ADAMTS2: variants seen among roughly 807,000 people sequenced by gnomAD.
ADAMTS2 encodes A disintegrin and metalloproteinase with thrombospondin motifs 2.
ADAMTS2 carries 50 observed loss-of-function variants against 123.0 expected under a neutral mutation model. That is an observed-to-expected ratio of 0.41 (90% CI 0.32 to 0.51). The LOEUF (loss-of-function observed/expected upper bound fraction) is 0.51, where lower values mean the gene tolerates loss of function less well. Ranked by LOEUF, ADAMTS2 falls within the 20% of genes least tolerant of loss-of-function variation. The probability of loss-of-function intolerance (pLI) is 0.35; values close to 1 mark genes in which losing one functional copy is unlikely to be tolerated. For synonymous variants in ADAMTS2, 678 were observed against 695.4 expected, an observed-to-expected ratio of 0.98 and a Z score of 0.39; for missense variants, 1,494 against 1,705.2, an observed-to-expected ratio of 0.88 and a Z score of 2.18.
intron 2 of ADAMTS2, among the ~76,000 whole-genome samples, chr5:179,274,501 G>GC (rs1766638476): frequency 6.6e-6 from 1 of 152,196 alleles, no homozygotes; most frequent in African/African-American, 2.4e-5. Flanking sequence ...CTGGTGGGCA[G>GC]CCCCCGGCAC....
In ADAMTS2 at chr5:179,182,780, G is replaced by A. The variant is rs919936131; in HGVS notation, c.892-1625C>T. 2.4e-4 allele frequency among the ~76,000 whole-genome samples: 36 copies of A among 152,160 alleles called. 1 individual carries two copies. The highest frequency in any genetic ancestry group is 2.2e-3 in the Admixed American group (33 of 15,284). ...GACAACTCATCAGACCCACGGGAGCGTGGCTGGTCACCGTGGCTCCGGGCT... is the reference window on the plus strand; with the variant it reads ...GACAACTCATCAGACCCACGGGAGCATGGCTGGTCACCGTGGCTCCGGGCT... On this transcript the variant is annotated intron_variant, in intron 4 of 21. Transcript: ENST00000251582.
intron 2 of ADAMTS2, among the ~76,000 whole-genome samples, chr5:179,283,202 A>G (rs568296149): frequency 6.6e-6 from 1 of 152,298 alleles, no homozygotes; most frequent in Admixed American, 6.5e-5. Context: ...GTTACAAATC[A>G]GAAGACATTT....
chr5:179,295,241 C>A (rs1756296571), intron 2 of ADAMTS2, among the ~76,000 whole-genome samples: 1 of 152,210 alleles, frequency 6.6e-6, no homozygotes. Context: ...GCTGGCGGGT[C>A]TCTGTTGGGC....
In ADAMTS2 at chr5:179,139,911, G is replaced by A; in HGVS notation, c.1754C>T (p.Thr585Ile). ...RTCGTGVKFR[T>I]RQCDNPHPAN... ...TCACTGTGGGTTGTCACACTGGCGG[G>A]TCCTGAACTTCACGCCCGTGCCACA... The change falls in exon 11 of 22, where the codon ACC becomes ATC. Residue 585 changes from threonine (T) to isoleucine (I), a missense_variant. Physicochemically the swap from Thr to Ile is moderately conservative, Grantham distance 89. This residue lies in a region of ADAMTS2 where 953 missense variants were observed against 1,124.7 expected (regional missense o/e 0.85). Transcript: ENST00000251582. 3 of 1,612,120 alleles carry A rather than the reference G, an allele frequency of 1.9e-6. No homozygotes were observed. The highest frequency in any genetic ancestry group is 2.5e-6 in the Non-Finnish European group (3 of 1,179,962).
chr5:179,306,892 G>T (rs1432026979), intron 2 of ADAMTS2, among the ~76,000 whole-genome samples: 1 of 152,160 alleles, frequency 6.6e-6, no homozygotes, highest in Non-Finnish European at 1.5e-5. Flanking sequence ...AGGCTCTGAG[G>T]ACATGGCTCT....
At chr5:179,199,437 C>T (rs1764509410) in intron 4 of ADAMTS2, among the ~76,000 whole-genome samples, 1 of 152,192 alleles carries the variant, frequency 6.6e-6, no homozygotes, top group Non-Finnish European at 1.5e-5. Context: ...CAGAGGTGAA[C>T]CTCCCGTGAG....
intron 3 of ADAMTS2, among the ~76,000 whole-genome samples, chr5:179,231,830 A>G (rs1386789606): frequency 6.6e-6 from 1 of 151,816 alleles, no homozygotes; most frequent in Non-Finnish European, 1.5e-5. Flanking sequence ...GGGTAGGATC[A>G]CTTGAGTACC....
intron 4 of ADAMTS2, 28 bp downstream of exon 4, chr5:179,207,485 A>AAC: frequency 1.7e-6 from 1 of 587,018 alleles, no homozygotes; most frequent in Non-Finnish European, 2.6e-6. Context: ...TCCCCGCCCC[A>AAC]CCCTGCCCCC....
In ADAMTS2 at chr5:179,133,146, G is replaced by T. The variant is rs146490410; in HGVS notation, c.2086-246C>A. On this transcript the variant is annotated intron_variant, in intron 13 of 21. Coordinates refer to ENST00000251582, the MANE Select transcript of ADAMTS2 (RefSeq NM_014244.5). ...CCACCTACAGCAGTGTCTCGACCTGGCAGTTTCCGTCTGGGCCCCTGTGCA... is the reference window on the plus strand; with the variant it reads ...CCACCTACAGCAGTGTCTCGACCTGTCAGTTTCCGTCTGGGCCCCTGTGCA... 4.5e-4 allele frequency among the ~76,000 whole-genome samples: 68 copies of T among 152,260 alleles called. 1 individual carries two copies. Among genetic ancestry groups the T allele is most frequent in the African/African-American group, 1.4e-3 (58 of 41,534 alleles).
Position 179,251,771 on chromosome 5 carries a change from T to C in ADAMTS2, c.688+21140A>G, listed in dbSNP as rs138081190. On this transcript the variant is annotated intron_variant, in intron 3 of 21. Transcript: ENST00000251582. The stretch of plus-strand genomic sequence containing the variant: ...GAGGAGAAGCTGGCCACAGAGAAGA[T>C]GGCCCAGAGAGGAGGTGCTGTGTGC... Among the ~76,000 whole-genome samples, 865 of 152,050 alleles carry C rather than the reference T, an allele frequency of 5.7e-3. 11 individuals are homozygous for C. The highest frequency in any genetic ancestry group is 0.02 in the African/African-American group (827 of 41,480).
At chr5:179,177,066 T>C (rs1216182571) in intron 5 of ADAMTS2, among the ~76,000 whole-genome samples, 1 of 152,238 alleles carries the variant, frequency 6.6e-6, no homozygotes, top group Non-Finnish European at 1.5e-5. Flanking sequence ...TGTTTCCTTG[T>C]CTAGATCTGC....
At chr5:179,249,192 A>T (rs1765866664) in intron 3 of ADAMTS2, among the ~76,000 whole-genome samples, 1 of 152,082 alleles carries the variant, frequency 6.6e-6, no homozygotes, top group South Asian at 2.1e-4. Context: ...ATAAATAATA[A>T]ATCTTGAGAC....
Position 179,113,509 on chromosome 5 carries a change from C to T in ADAMTS2, c.*358G>A. 2 of 321,408 alleles carry T rather than the reference C, an allele frequency of 6.2e-6. No individual in the cohort carries two copies. Among genetic ancestry groups the T allele is most frequent in the South Asian group, 6.7e-5 (2 of 30,000 alleles). 19.9% of individuals were successfully genotyped at this position (321,408 alleles called of 1,614,324 possible). A position where few individuals can be genotyped will look rare whatever the true frequency, so the allele number is the denominator to read the frequency against. On this transcript the variant is annotated 3_prime_UTR_variant, in exon 22 of 22. Transcript: ENST00000251582. The stretch of plus-strand genomic sequence containing the variant: ...CGGTAGGGAATGTCATGCATCTCCG[C>T]CAAGGAAAGGAAGGTTCCCAATCAC...
chr5:179,268,838 G>A (rs746473793), intron 3 of ADAMTS2, among the ~76,000 whole-genome samples: 7 of 152,192 alleles, frequency 4.6e-5, no homozygotes, highest in African/African-American at 9.6e-5. Flanking sequence ...GGCGCCTCCC[G>A]GGTGTGCTGT....
chr5:179,341,635 C>T (rs1166149863), intron 2 of ADAMTS2, among the ~76,000 whole-genome samples: 2 of 151,654 alleles, frequency 1.3e-5, no homozygotes, highest in African/African-American at 4.8e-5. Flanking sequence ...ATGGCGTGAA[C>T]CCGGAAGGCA....
Position 179,279,079 on chromosome 5 carries a change from GC to G in ADAMTS2, c.535-6016del, listed in dbSNP as rs535669095. Reference sequence around the variant, plus strand: ...GCACCCAGGCTGGCTGGTTCCCACTGCCCCTTCCCATGGAAGCCACAGCTGC... The same window carrying G: ...GCACCCAGGCTGGCTGGTTCCCACTGCCCTTCCCATGGAAGCCACAGCTGC... On this transcript the variant is annotated intron_variant, in intron 2 of 21. Transcript: ENST00000251582. Among the ~76,000 whole-genome samples the G allele has an allele frequency of 1.2e-4, 19 of 152,070 alleles. 1 individual carries two copies. The South Asian group carries it at 3.1e-3, about 25-fold the overall frequency.
chr5:179,164,654 G>A (rs757823057), intron 5 of ADAMTS2, among the ~76,000 whole-genome samples: 1 of 152,224 alleles, frequency 6.6e-6, no homozygotes, highest in Non-Finnish European at 1.5e-5. Context: ...GGGAAGAGCT[G>A]GGCTGTTTTG....
chr5:179,238,427 C>T (rs576921605), intron 3 of ADAMTS2, among the ~76,000 whole-genome samples: 30 of 152,250 alleles, frequency 2.0e-4, no homozygotes, highest in African/African-American at 6.5e-4. Context: ...TCTGAGTATG[C>T]CGGAGGGCAG....
At chr5:179,205,981 G>A (rs1402183576) in intron 4 of ADAMTS2, among the ~76,000 whole-genome samples, 2 of 151,836 alleles carry the variant, frequency 1.3e-5, no homozygotes, top group East Asian at 1.9e-4. Context: ...CCGTGGTCTC[G>A]ATCTCCTGAC....
Sources: gnomAD v4.1 joint callset for allele counts (sites outside exome capture counted in the v4.1 genomes callset) on GRCh38, gnomAD v4.1.1 for gene constraint, gnomAD v4.1.1 regional missense constraint, MANE v1.5 for transcripts, NCBI Gene and HGNC (gene_info 2026-07-23, HGNC 2026-07-21) for gene names.